Variants in DLG2 observed in about 807,000 individuals in gnomAD.
DLG2 encodes the protein disks large homolog 2.
Under a neutral mutation model 132.5 loss-of-function variants are expected in DLG2, and 45 were observed. That is an observed-to-expected ratio of 0.34 (90% CI 0.27 to 0.44). The LOEUF (loss-of-function observed/expected upper bound fraction) is 0.44. DLG2 is among the 20% of genes least tolerant of loss of function. DLG2 has a pLI of 1.00. For missense variants in DLG2, 1,045 were observed against 1,196.9 expected, an observed-to-expected ratio of 0.87 and a Z score of 1.87; for synonymous variants, 424 against 419.6, an observed-to-expected ratio of 1.01 and a Z score of -0.13.
At chr11:83,763,175 T>TTTTATTTTA (rs2093987088) in intron 18 of DLG2, among the ~76,000 whole-genome samples, 1 of 152,196 alleles carries the variant, frequency 6.6e-6, no homozygotes, top group Non-Finnish European at 1.5e-5. Flanking sequence ...AATTAAGAAT[T>TTTTATTTTA]TTTTTAACTT....
At chr11:85,053,687 A>G (rs1343599725) in intron 6 of DLG2, among the ~76,000 whole-genome samples, 3 of 149,644 alleles carry the variant, frequency 2.0e-5, no homozygotes, top group East Asian at 4.0e-4. Flanking sequence ...CTGTAGTCCC[A>G]GCTACTCGGG....
chr11:84,785,558 A>T (rs1175120024), intron 6 of DLG2, among the ~76,000 whole-genome samples: 1 of 152,116 alleles, frequency 6.6e-6, no homozygotes, highest in African/African-American at 2.4e-5. Context: ...GACCACTATA[A>T]AGAGAAATTT....
At chr11:83,840,642 G>GA (rs1447435300) in intron 16 of DLG2, among the ~76,000 whole-genome samples, 1 of 152,132 alleles carries the variant, frequency 6.6e-6, no homozygotes, top group Non-Finnish European at 1.5e-5. Flanking sequence ...GATAAGCCAA[G>GA]AATCTAGATA....
chr11:84,672,476 T>C (rs2099706948), intron 6 of DLG2, among the ~76,000 whole-genome samples: 1 of 152,170 alleles, frequency 6.6e-6, no homozygotes, highest in South Asian at 2.1e-4. Context: ...ATAGAGAAGT[T>C]GTCTTAAGCA....
At chr11:84,284,234 C>CA (rs1004400084) in intron 7 of DLG2, among the ~76,000 whole-genome samples, 7 of 151,828 alleles carry the variant, frequency 4.6e-5, no homozygotes, top group African/African-American at 1.5e-4. Context: ...AACTCTGTCT[C>CA]AAAAAAAATC....
intron 6 of DLG2, among the ~76,000 whole-genome samples, chr11:84,876,571 C>T (rs138137475): frequency 6.6e-6 from 1 of 152,018 alleles, no homozygotes; most frequent in Non-Finnish European, 1.5e-5. Context: ...ATTATTTTCT[C>T]TTTTCTTCTT....
At chr11:85,523,992 A>G (rs539535208) in intron 3 of DLG2, among the ~76,000 whole-genome samples, 1 of 152,334 alleles carries the variant, frequency 6.6e-6, no homozygotes, top group East Asian at 1.9e-4. Context: ...CTGAAAGACC[A>G]CTTTGCATGT....
intron 7 of DLG2, among the ~76,000 whole-genome samples, chr11:84,360,870 A>T (rs1285475453): frequency 6.6e-6 from 1 of 152,008 alleles, no homozygotes; most frequent in Non-Finnish European, 1.5e-5. Context: ...TGCTTTACAT[A>T]TGTAAAAATG....
chr11:84,287,586 C>T (rs1029629931), intron 7 of DLG2, among the ~76,000 whole-genome samples: 11 of 152,102 alleles, frequency 7.2e-5, no homozygotes, highest in Non-Finnish European at 1.5e-4. Flanking sequence ...TGTATCTTCA[C>T]TGGGTAGCAG....
chr11:84,518,581 G>A (rs1010947687), intron 7 of DLG2, among the ~76,000 whole-genome samples: 3 of 151,928 alleles, frequency 2.0e-5, no homozygotes, highest in African/African-American at 4.8e-5. Context: ...TGCGTGCCTC[G>A]GAAGCTCTCA....
At chr11:84,662,786 C>CAA (rs752017709) in intron 6 of DLG2, among the ~76,000 whole-genome samples, 42 of 80,244 alleles carry the variant, frequency 5.2e-4, no homozygotes, top group Middle Eastern at 8.3e-3. Context: ...GACTCTGTCA[C>CAA]AAAAAAAAAA....
chr11:84,889,206 C>T (rs2088886829), intron 6 of DLG2, among the ~76,000 whole-genome samples: 1 of 152,124 alleles, frequency 6.6e-6, no homozygotes, highest in Non-Finnish European at 1.5e-5. Context: ...CGATCCTCAT[C>T]TCTATAGTTA....
In DLG2 at chr11:84,171,071, A is replaced by G. The variant is rs748459751; in HGVS notation, c.574-7560T>C. ...GGCTCCACTCGAGGACATTACCATAAGCATTTTTTCCATTTCTACTCCTCA... is the reference window on the plus strand; with the variant it reads ...GGCTCCACTCGAGGACATTACCATAGGCATTTTTTCCATTTCTACTCCTCA... On this transcript the variant is annotated intron_variant, in intron 8 of 27. Transcript: ENST00000376104. 2.0e-5 allele frequency among the ~76,000 whole-genome samples: 3 copies of G among 152,136 alleles called. No homozygotes were observed. The South Asian group carries it at 6.2e-4, about 32-fold the overall frequency.
At chr11:84,971,102 C>T (rs982577878) in intron 6 of DLG2, among the ~76,000 whole-genome samples, 1 of 152,012 alleles carries the variant, frequency 6.6e-6, no homozygotes, top group Non-Finnish European at 1.5e-5. Flanking sequence ...TGAAAGCATC[C>T]CACTGAATAA....
chr11:85,075,779 G>A (rs766091352), intron 6 of DLG2, among the ~76,000 whole-genome samples: 16 of 151,780 alleles, frequency 1.1e-4, no homozygotes, highest in Admixed American at 2.6e-4. Context: ...ATTGTAATGT[G>A]CAAAAACCAA....
chr11:84,524,856 T>C (rs963038916), intron 7 of DLG2, among the ~76,000 whole-genome samples: 3 of 152,026 alleles, frequency 2.0e-5, no homozygotes, highest in African/African-American at 7.2e-5. Context: ...ATTTCTTTTT[T>C]TTTTTTTTTT....
rs189723418 is a variant in DLG2 at position 84,768,981 on chromosome 11, A to C, written c.358-234250T>G. Among the ~76,000 whole-genome samples, 3 of 152,256 alleles carry C rather than the reference A, an allele frequency of 2.0e-5. No individual in the cohort carries two copies. In the East Asian group the frequency reaches 5.8e-4, roughly 29 times the overall value. ...TAACATTGTAGGGAAATACAGAAAAAGAAAACATCTTACTTTCATAAAAAT... is the reference window on the plus strand; with the variant it reads ...TAACATTGTAGGGAAATACAGAAAACGAAAACATCTTACTTTCATAAAAAT... On this transcript the variant is annotated intron_variant, in intron 6 of 27. Transcript: ENST00000376104.
chr11:83,788,631 G>C (rs1018099567), intron 17 of DLG2, among the ~76,000 whole-genome samples: 1 of 152,346 alleles, frequency 6.6e-6, no homozygotes, highest in South Asian at 2.1e-4. Flanking sequence ...GACAGGAAAG[G>C]TAATTAGATC....
At chr11:83,733,797 T>C (rs539666578) in intron 18 of DLG2, among the ~76,000 whole-genome samples, 7 of 152,338 alleles carry the variant, frequency 4.6e-5, no homozygotes, top group Admixed American at 3.9e-4. Context: ...TTTAGGAGGA[T>C]ACACGTGCAG....
Sources: gnomAD v4.1 joint callset for allele counts (sites outside exome capture counted in the v4.1 genomes callset) on GRCh38, gnomAD v4.1.1 for gene constraint, MANE v1.5 for transcripts, NCBI Gene and HGNC (gene_info 2026-07-23, HGNC 2026-07-21) for gene names.